EPN3: variants seen among roughly 807,000 people sequenced by gnomAD.
EPN3 encodes epsin-3.
In EPN3, 56 loss-of-function variants were observed where a neutral mutation model predicts 55.5. That is an observed-to-expected ratio of 1.01 (90% CI 0.81 to 1.26). The LOEUF (loss-of-function observed/expected upper bound fraction) is 1.26. Ranked by LOEUF, EPN3 falls within the 50% of genes most tolerant of loss-of-function variation. The pLI is 0.00. For synonymous variants in EPN3, 449 were observed against 375.2 expected (o/e 1.20, Z -2.27); for missense variants, 927 against 853.4 (o/e 1.09, Z -1.07).
chr17:50,540,890 GC>G lies in EPN3; in HGVS notation c.1080del (p.Trp361GlyfsTer3), dbSNP rs1366689129. The G allele has an allele frequency of 6.2e-7, 1 of 1,614,080 alleles. No individual in the cohort carries two copies. Among genetic ancestry groups the G allele is most frequent in the Non-Finnish European group, 8.5e-7 (1 of 1,180,036 alleles). ...CAGGAACCGTCCTGTCCCGAAGCCA[GC>G]CCTGGGATCTGACTCCCATGCTCTC... ...PSGTVLSRSQ[P>X]WDLTPMLSSS... is the part of the protein sequence containing the mutation. On this transcript the variant is annotated frameshift_variant, in exon 7 of 10. Coordinates refer to ENST00000268933, the MANE Select transcript of EPN3 (RefSeq NM_017957.3). LOFTEE classifies it high-confidence loss of function.
chr17:50,537,937 G>A (rs987793034), intron 2 of EPN3, 142 bp from the exon 3 acceptor site: 2 of 667,958 alleles, frequency 3.0e-6, no homozygotes, highest in African/African-American at 1.8e-5. Flanking sequence ...AGAGTGCCTG[G>A]CACACTGCTT....
In EPN3 at chr17:50,537,587, G is replaced by A. The variant is rs146263878; in HGVS notation, c.562+469G>A. ...ATTCCCCTTCATCCCCCTACCTGAG[G>A]GCAGCGGCTAGACAGTCCCTGACTC... is the stretch of plus-strand genomic sequence containing the variant. On this transcript the variant is annotated intron_variant, in intron 2 of 9. Coordinates refer to ENST00000268933, the MANE Select transcript of EPN3 (RefSeq NM_017957.3). The A allele has an allele frequency of 1.9e-3, 376 of 197,600 alleles. 1 individual carries two copies. The highest frequency in any genetic ancestry group is 8.3e-3 in the African/African-American group (354 of 42,664). The allele number at this position is 197,600 out of a possible 1,614,324, so 12.2% of individuals were successfully genotyped here.
At chr17:50,540,479 G>C in intron 6 of EPN3, 145 bp downstream of exon 6, 1 of 766,558 alleles carries the variant, frequency 1.3e-6, no homozygotes, top group Non-Finnish European at 2.1e-6. Context: ...CCGCCTGTGG[G>C]ACAGGCTTTC....
Position 50,540,339 on chromosome 17 carries a change from G to C in EPN3, c.979+5G>C, listed in dbSNP as rs781114232. ...CTGACCCATGGGACATCCCAGGTGG[G>C]CATGCAGGGCTGCAAGAGACTTCCA... On this transcript the variant is annotated splice_donor_5th_base_variant and intron_variant, in intron 6 of 9. Transcript: ENST00000268933. 9 of 1,607,312 alleles carry C rather than the reference G, an allele frequency of 5.6e-6. No homozygotes were observed. Among genetic ancestry groups the C allele is most frequent in the Non-Finnish European group, 7.6e-6 (9 of 1,178,348 alleles).
chr17:50,538,626 T>C (rs2034798588), intron 3 of EPN3: 1 of 437,664 alleles, frequency 2.3e-6, no homozygotes, highest in Non-Finnish European at 4.1e-6. Context: ...AGGAAGCAGC[T>C]GGGCCTCACA....
Position 50,532,831 on chromosome 17 carries a change from C to T in EPN3, c.-291C>T, listed in dbSNP as rs1368237076. 10 of 1,244,458 alleles carry T rather than the reference C, an allele frequency of 8.0e-6. No homozygotes were observed. Among genetic ancestry groups the T allele is most frequent in the Non-Finnish European group, 1.0e-5 (10 of 952,760 alleles). The allele number at this position is 1,244,458 out of a possible 1,614,324, so 77.1% of individuals were successfully genotyped here. A position where few individuals can be genotyped will look rare whatever the true frequency, so the allele number is the denominator to read the frequency against. On this transcript the variant is annotated 5_prime_UTR_variant, in exon 1 of 10. Transcript: ENST00000268933. ...CCGCTGCCCCTCTGAGGGGTCTGCA[C>T]CTCCTGGGAGCAGGTGGGTCTCTGG...
intron 1 of EPN3, chr17:50,534,566 G>A (rs2034730813): frequency 1.0e-6 from 1 of 985,390 alleles, no homozygotes; most frequent in African/African-American, 1.7e-5. Context: ...CTAGCAAGGG[G>A]GAGGGCAGGA....
chr17:50,542,011 A>T lies in EPN3; in HGVS notation c.1753A>T (p.Ser585Cys), dbSNP rs757503478. The T allele has an allele frequency of 7.5e-6, 12 of 1,597,900 alleles. No homozygotes were observed. In the South Asian group the frequency reaches 1.3e-4, roughly 18 times the overall value. ...CGCCTCTCTGCCCCTCCCGCTCAGC[A>T]GCGTGCCAGCTGGCTTGACCCTCCC... ...YSASLPLPLS[S>C]VPAGLTLPAS... The change falls in exon 10 of 10, where the codon AGC (serine) becomes TGC (cysteine). Residue 585 changes from serine (S) to cysteine (C), a missense_variant. Transcript: ENST00000268933.
chr17:50,541,891 G>A lies in EPN3; in HGVS notation c.1633G>A (p.Gly545Ser). 1 of 1,606,198 alleles carries A rather than the reference G, an allele frequency of 6.2e-7. No individual in the cohort carries two copies. Among genetic ancestry groups the A allele is most frequent in the Non-Finnish European group, 8.5e-7 (1 of 1,179,768 alleles). The change falls in exon 10 of 10, where the codon GGC becomes AGC. Residue 545 changes from glycine to serine, a missense_variant. Physicochemically the swap from Gly to Ser is moderately conservative, Grantham distance 56 (BLOSUM62 0). Coordinates refer to ENST00000268933, the MANE Select transcript of EPN3 (RefSeq NM_017957.3). Reference protein sequence around the residue: ...PTNPFGAGEPGRPTLNQMRTG... With the variant: ...PTNPFGAGEPSRPTLNQMRTG... Reference sequence around the variant, plus strand: ...CAACCCGTTCGGCGCGGGCGAGCCGGGCAGGCCGACGCTAAACCAGATGCG... The same window carrying A: ...CAACCCGTTCGGCGCGGGCGAGCCGAGCAGGCCGACGCTAAACCAGATGCG...
rs374859710 is a variant in EPN3, at chr17:50,538,171, G to A, written c.655G>A (p.Ala219Thr). Reference sequence around the variant, plus strand: ...GGAACTGCAGCTGCAGCTGGCCCTCGCCATGAGCCGTGAGGAGGCAGAGAA... The same window carrying A: ...GGAACTGCAGCTGCAGCTGGCCCTCACCATGAGCCGTGAGGAGGCAGAGAA... ...EEELQLQLAL[A>T]MSREEAEKPV... is the part of the protein sequence containing the mutation. Residue 219 changes from alanine (A) to threonine (T), a missense_variant, in exon 3 of 10, where the codon GCC (alanine) becomes ACC (threonine). Physicochemically the swap from Ala to Thr is moderately conservative, Grantham distance 58 (BLOSUM62 0). Transcript: ENST00000268933. 37 of 1,610,896 alleles carry A rather than the reference G, an allele frequency of 2.3e-5. No homozygotes were observed. The highest frequency in any genetic ancestry group is 1.5e-4 in the South Asian group (14 of 90,792).
Position 50,541,895 on chromosome 17 carries a change from G to GA in EPN3, c.1637_1638insA (p.Pro547AlafsTer51), listed in dbSNP as rs1425898915. 1.2e-6 allele frequency: 2 copies of GA among 1,605,926 alleles called. No individual in the cohort carries two copies. The highest frequency in any genetic ancestry group is 2.2e-5 in the South Asian group (2 of 91,076). On this transcript the variant is annotated frameshift_variant, in exon 10 of 10. Transcript: ENST00000268933. LOFTEE classifies it high-confidence loss of function. The stretch of plus-strand genomic sequence containing the variant: ...CCGTTCGGCGCGGGCGAGCCGGGCA[G>GA]GCCGACGCTAAACCAGATGCGCACC...
At chr17:50,533,745 C>A (rs139198270) in intron 1 of EPN3, among the ~76,000 whole-genome samples, 1 of 152,120 alleles carries the variant, frequency 6.6e-6, no homozygotes, top group Admixed American at 6.5e-5. Context: ...CTCCGTGCCC[C>A]GTGGCCCATC....
chr17:50,534,937 T>G (rs1404180241), intron 1 of EPN3, among the ~76,000 whole-genome samples: 1 of 151,794 alleles, frequency 6.6e-6, no homozygotes, highest in Non-Finnish European at 1.5e-5. Context: ...AGTTCACGGG[T>G]GAAGTGGAGG....
In EPN3 at chr17:50,541,951, C is replaced by T; in HGVS notation, c.1693C>T (p.Pro565Ser). ...GCCGGCGCTGGGCCTGGCAGGCGGG[C>T]CTGTGGGGGCGCCCCTGGGCTCCAT... ...GSPALGLAGG[P>S]VGAPLGSMTY... is the part of the protein sequence containing the mutation. Residue 565 changes from proline to serine, a missense_variant, in exon 10 of 10, where the codon CCT (proline) becomes TCT (serine). Physicochemically the swap from Pro to Ser is moderately conservative, Grantham distance 74 (BLOSUM62 -1). Coordinates refer to ENST00000268933, the MANE Select transcript of EPN3 (RefSeq NM_017957.3). The T allele has an allele frequency of 6.3e-7, 1 of 1,596,158 alleles. No individual in the cohort carries two copies. Among genetic ancestry groups the T allele is most frequent in the South Asian group, 1.1e-5 (1 of 90,680 alleles).
chr17:50,534,700 G>A (rs2034733341), intron 1 of EPN3: 3 of 958,666 alleles, frequency 3.1e-6, no homozygotes, highest in South Asian at 4.8e-5. Flanking sequence ...CCACTCCCAC[G>A]GTATCTTATT....
rs761162678 is a variant in EPN3 at position 50,541,947 on chromosome 17, C to A, written c.1689C>A (p.Gly563=). The A allele has an allele frequency of 8.1e-6, 13 of 1,596,750 alleles. No homozygotes were observed. In the East Asian group the frequency reaches 2.5e-4, roughly 30 times the overall value. The change falls in exon 10 of 10, where the codon GGC becomes GGA. Residue 563 remains glycine (G), a synonymous_variant. Coordinates refer to ENST00000268933, the MANE Select transcript of EPN3 (RefSeq NM_017957.3). ...RTGSPALGLA[G]GPVGAPLGSM... The stretch of plus-strand genomic sequence containing the variant: ...GCTCGCCGGCGCTGGGCCTGGCAGG[C>A]GGGCCTGTGGGGGCGCCCCTGGGCT...
chr17:50,532,899 C>G lies in EPN3; in HGVS notation c.-223C>G, dbSNP rs1391805357. On this transcript the variant is annotated 5_prime_UTR_variant, in exon 1 of 10. Transcript: ENST00000268933. ...GATGGCTCTGGAGACGCTCCCGAGG[C>G]TGTGCCGTCCCGCTGCTGCACAGGT... 1 of 1,286,014 alleles carries G rather than the reference C, an allele frequency of 7.8e-7. No individual in the cohort carries two copies. Among genetic ancestry groups the G allele is most frequent in the Non-Finnish European group, 1.0e-6 (1 of 987,446 alleles). The allele number at this position is 1,286,014 out of a possible 1,614,324, so 79.7% of individuals were successfully genotyped here.
intron 5 of EPN3, among the ~76,000 whole-genome samples, chr17:50,539,819 C>T (rs528048577): frequency 1.3e-5 from 2 of 152,382 alleles, no homozygotes; most frequent in South Asian, 4.1e-4. Context: ...CTGTGGTCTC[C>T]TTTCCGTCCA....
intron 6 of EPN3, 133 bp downstream of exon 6, chr17:50,540,467 CG>C (rs1365960905): frequency 5.6e-5 from 48 of 851,162 alleles, no homozygotes; most frequent in Non-Finnish European, 1.8e-6. Flanking sequence ...CTTGAGCCTC[CG>C]CCGCCTGTGG....
Sources: gnomAD v4.1 joint callset for allele counts (sites outside exome capture counted in the v4.1 genomes callset) on GRCh38, gnomAD v4.1.1 for gene constraint, MANE v1.5 for transcripts, NCBI Gene and HGNC (gene_info 2026-07-23, HGNC 2026-07-21) for gene names.